Variants in MACROD2 observed in about 807,000 individuals in gnomAD.
MACROD2 encodes ADP-ribose glycohydrolase MACROD2.
Under a neutral mutation model 70.4 loss-of-function variants are expected in MACROD2, and 36 were observed. The ratio of observed to expected loss-of-function variants is 0.51; its 90% CI spans 0.39 to 0.68. MACROD2 has a LOEUF of 0.68. MACROD2 is among the 30% of genes least tolerant of loss of function. The pLI is 0.00. For synonymous variants in MACROD2, 172 were observed against 178.8 expected, an observed-to-expected ratio of 0.96 and a Z score of 0.30; for missense variants, 496 against 538.4, an observed-to-expected ratio of 0.92 and a Z score of 0.78.
At chr20:15,330,117 G>A (rs530547234) in intron 6 of MACROD2, among the ~76,000 whole-genome samples, 47 of 152,116 alleles carry the variant, frequency 3.1e-4, no homozygotes, top group African/African-American at 1.1e-3. Context: ...AAGTACACAA[G>A]CTAATCTGTT....
intron 8 of MACROD2, among the ~76,000 whole-genome samples, chr20:15,543,635 A>G (rs2047988168): frequency 6.6e-6 from 1 of 152,194 alleles, no homozygotes; most frequent in African/African-American, 2.4e-5. Flanking sequence ...CCATTGTTAC[A>G]ATTTCAAGCA....
intron 8 of MACROD2, among the ~76,000 whole-genome samples, chr20:15,650,449 C>G (rs1193166582): frequency 6.6e-6 from 1 of 152,182 alleles, no homozygotes; most frequent in Non-Finnish European, 1.5e-5. Flanking sequence ...TTGTTATCTT[C>G]TTTAATTGCA....
intron 3 of MACROD2, among the ~76,000 whole-genome samples, chr20:14,457,487 T>C (rs1448539270): frequency 1.3e-5 from 2 of 152,184 alleles, no homozygotes; most frequent in Admixed American, 1.3e-4. Context: ...AATATTCTCT[T>C]TCTTTTACAA....
intron 8 of MACROD2, among the ~76,000 whole-genome samples, chr20:15,814,633 A>T (rs1466734354): frequency 6.6e-6 from 1 of 152,208 alleles, no homozygotes; most frequent in Admixed American, 6.5e-5. Context: ...CACAAATAAG[A>T]TAACTACTAT....
chr20:15,495,394 T>C (rs1234198050), intron 7 of MACROD2, among the ~76,000 whole-genome samples: 1 of 152,240 alleles, frequency 6.6e-6, no homozygotes, highest in African/African-American at 2.4e-5. Flanking sequence ...TTCTCCCCTT[T>C]TAATTAATCA....
At chr20:14,777,114 T>A (rs1375780950) in intron 5 of MACROD2, among the ~76,000 whole-genome samples, 1 of 152,206 alleles carries the variant, frequency 6.6e-6, no homozygotes, top group East Asian at 1.9e-4. Flanking sequence ...TGAATAGAGA[T>A]TCTATAAATA....
intron 3 of MACROD2, among the ~76,000 whole-genome samples, chr20:14,200,374 A>T (rs1167785766): frequency 6.6e-6 from 1 of 152,110 alleles, no homozygotes; most frequent in African/African-American, 2.4e-5. Context: ...GGCCTATCAG[A>T]GGGAGGAGGT....
intron 5 of MACROD2, among the ~76,000 whole-genome samples, chr20:15,142,002 T>C (rs1389428221): frequency 6.6e-6 from 1 of 152,192 alleles, no homozygotes. Flanking sequence ...CTACCAAGCA[T>C]TGGCCAGTTC....
At chr20:14,763,165 A>T (rs2072039471) in intron 5 of MACROD2, among the ~76,000 whole-genome samples, 1 of 152,142 alleles carries the variant, frequency 6.6e-6, no homozygotes, top group African/African-American at 2.4e-5. Context: ...TGTGATATTT[A>T]TGCAAGTCTT....
chr20:14,579,535 C>T (rs865816234), intron 4 of MACROD2, among the ~76,000 whole-genome samples: 3 of 152,150 alleles, frequency 2.0e-5, no homozygotes, highest in African/African-American at 7.2e-5. Context: ...GCTTTGTGTG[C>T]TTTTGAGGGA....
chr20:14,872,223 A>G (rs2073496888), intron 5 of MACROD2, among the ~76,000 whole-genome samples: 1 of 152,152 alleles, frequency 6.6e-6, no homozygotes, highest in Non-Finnish European at 1.5e-5. Context: ...TGGTTTCTGC[A>G]GTTGTTGTGA....
chr20:14,559,878 C>A (rs1452977731), intron 4 of MACROD2, among the ~76,000 whole-genome samples: 1 of 151,736 alleles, frequency 6.6e-6, no homozygotes, highest in South Asian at 2.1e-4. Flanking sequence ...GTAATGGCTG[C>A]TACCATTTCT....
intron 3 of MACROD2, among the ~76,000 whole-genome samples, chr20:14,106,179 G>A (rs980631376): frequency 4.6e-5 from 7 of 152,300 alleles, no homozygotes; most frequent in Non-Finnish European, 1.0e-4. Flanking sequence ...GCCCTGAAGG[G>A]TGAGTCCTAG....
intron 2 of MACROD2, among the ~76,000 whole-genome samples, chr20:14,005,605 T>C (rs2052804376): frequency 6.6e-6 from 1 of 151,774 alleles, no homozygotes; most frequent in South Asian, 2.1e-4. Flanking sequence ...CTCCAAACTT[T>C]TTTTTTTTTT....
In MACROD2 at chr20:14,423,755, A is replaced by ATTTTTTTTTTTTTTTTTTT. The variant is rs1165796772; in HGVS notation, c.272-69718_272-69700dup. ...GTCCACCATTTTGCTGACATCTTAAATTTTTTTTTTTTTTTTTTTTTTTTG... is the reference window on the plus strand; with the variant it reads ...GTCCACCATTTTGCTGACATCTTAAATTTTTTTTTTTTTTTTTTTTTTTTTTTTTTTTTTTTTTTTTTTG... On this transcript the variant is annotated intron_variant, in intron 3 of 17. Transcript: ENST00000684519. Among the ~76,000 whole-genome samples, 5 of 63,088 alleles carry ATTTTTTTTTTTTTTTTTTT rather than the reference A, an allele frequency of 7.9e-5. 1 individual carries two copies. The highest frequency in any genetic ancestry group is 1.4e-4 in the Non-Finnish European group (5 of 35,544). 41.4% of individuals were successfully genotyped at this position (63,088 alleles called of 152,430 possible).
intron 3 of MACROD2, among the ~76,000 whole-genome samples, chr20:14,171,662 T>C (rs1489381367): frequency 6.6e-6 from 1 of 152,230 alleles, no homozygotes; most frequent in East Asian, 1.9e-4. Flanking sequence ...GTGTTCTTTT[T>C]GGAGTTGATT....
chr20:14,415,237 A>G (rs1054371942), intron 3 of MACROD2, among the ~76,000 whole-genome samples: 1 of 152,330 alleles, frequency 6.6e-6, no homozygotes, highest in Admixed American at 6.5e-5. Context: ...ACCAGCGTGT[A>G]ACACCAAGGA....
intron 4 of MACROD2, among the ~76,000 whole-genome samples, chr20:14,664,930 T>C (rs1032219157): frequency 6.6e-6 from 1 of 152,112 alleles, no homozygotes; most frequent in African/African-American, 2.4e-5. Flanking sequence ...TCACAAAACC[T>C]GTCTGAAGTT....
intron 3 of MACROD2, among the ~76,000 whole-genome samples, chr20:14,172,806 A>G (rs1362234293): frequency 1.3e-5 from 2 of 152,068 alleles, no homozygotes; most frequent in Non-Finnish European, 1.5e-5. Flanking sequence ...ATTTGTTTCA[A>G]GATTTGGAGC....
Sources: allele counts gnomAD v4.1 joint callset (sites outside exome capture counted in the v4.1 genomes callset), GRCh38; gene constraint gnomAD v4.1.1; transcripts MANE v1.5; gene names NCBI Gene and HGNC (gene_info 2026-07-23, HGNC 2026-07-21).